TANK: variants seen among roughly 807,000 people sequenced by gnomAD.
TANK encodes TRAF family member associated NFKB activator.
Under a neutral mutation model 43.6 loss-of-function variants are expected in TANK, and 15 were observed. The ratio of observed to expected loss-of-function variants is 0.34; its 90% CI spans 0.23 to 0.53. TANK has a LOEUF of 0.53. Among genes scored for constraint, TANK ranks in the 20% least tolerant of loss-of-function variants. The pLI, the probability that TANK is intolerant of heterozygous loss-of-function variation, is 0.94. For synonymous variants in TANK, 162 were observed against 178.2 expected (o/e 0.91, Z 0.73); for missense variants, 417 against 498.6 (o/e 0.84, Z 1.56).
In TANK at chr2:161,137,362, T is replaced by TAATA. The variant is rs533122094; in HGVS notation, c.-50+309_-50+312dup. ...AACATAGTGAGACCCCATCTCTATT[T>TAATA]AATAAATAAATAAGTAAATAATGGG... On this transcript the variant is annotated intron_variant, in intron 1 of 7. Coordinates refer to the TANK transcript ENST00000259075. The TAATA allele has an allele frequency of 4.4e-4, 157 of 355,892 alleles. No individual in the cohort carries two copies. In the East Asian group the frequency reaches 4.5e-3, roughly 10 times the overall value. 22.0% of individuals were successfully genotyped at this position (355,892 alleles called of 1,614,324 possible).
At position 161,223,999 on chromosome 2, in the gene TANK, T is replaced by C; in HGVS notation, c.404+8T>C. ...TCCTTTGCTCCATGAAAGGTAGTTCTACATCCTTTTTTCTCAACTCTTAAA... is the reference window on the plus strand; with the variant it reads ...TCCTTTGCTCCATGAAAGGTAGTTCCACATCCTTTTTTCTCAACTCTTAAA... On this transcript the variant is annotated splice_region_variant and intron_variant, in intron 5 of 7. Transcript: ENST00000392749. 1.3e-6 allele frequency: 2 copies of C among 1,551,858 alleles called. No homozygotes were observed. Among genetic ancestry groups the C allele is most frequent in the African/African-American group, 1.4e-5 (1 of 73,260 alleles).
At chr2:161,211,394 G>C (rs746953014) in intron 4 of TANK, among the ~76,000 whole-genome samples, 4 of 152,180 alleles carry the variant, frequency 2.6e-5, no homozygotes, top group African/African-American at 9.6e-5. Context: ...ACTTTCTGTT[G>C]CAAGTCCCTT....
At chr2:161,150,777 G>T (rs1684056459) in intron 1 of TANK, among the ~76,000 whole-genome samples, 2 of 151,768 alleles carry the variant, frequency 1.3e-5, no homozygotes, top group African/African-American at 4.8e-5. Flanking sequence ...TTTTAGTAGA[G>T]CCAAGGTTTC....
At chr2:161,219,310 A>G (rs535480140) in intron 4 of TANK, among the ~76,000 whole-genome samples, 4 of 152,288 alleles carry the variant, frequency 2.6e-5, no homozygotes, top group East Asian at 1.9e-4. Context: ...AAGAACTTGG[A>G]AGTAATTAGG....
intron 1 of TANK, among the ~76,000 whole-genome samples, chr2:161,142,891 T>C (rs1036143187): frequency 6.6e-6 from 1 of 152,188 alleles, no homozygotes; most frequent in African/African-American, 2.4e-5. Context: ...GGAAATAGCA[T>C]TGAGTCTATA....
chr2:161,140,325 A>G (rs1234690101), intron 1 of TANK, among the ~76,000 whole-genome samples: 1 of 152,124 alleles, frequency 6.6e-6, no homozygotes, highest in Non-Finnish European at 1.5e-5. Flanking sequence ...TTTTTCATGC[A>G]GCTTAGTTTA....
intron 2 of TANK, among the ~76,000 whole-genome samples, chr2:161,190,764 G>A (rs1174554012): frequency 6.6e-6 from 1 of 152,122 alleles, no homozygotes; most frequent in Non-Finnish European, 1.5e-5. Context: ...GATAAAGACA[G>A]AAAGTAGAAG....
chr2:161,223,778 T>C, intron 4 of TANK, 137 bp from the exon 5 acceptor site: 1 of 499,068 alleles, frequency 2.0e-6, no homozygotes, highest in Non-Finnish European at 3.7e-6. Flanking sequence ...ATATTACATA[T>C]AGGTCTATAA....
Position 161,223,938 on chromosome 2 carries a change from T to C in TANK, c.351T>C (p.Ser117=). 1 of 1,601,926 alleles carries C rather than the reference T, an allele frequency of 6.2e-7. No individual in the cohort carries two copies. Among genetic ancestry groups the C allele is most frequent in the Admixed American group, 1.7e-5 (1 of 59,798 alleles). ...AGGTAAGAAGACAAGAGGTTTCTTC[T>C]CCTAGAAAAGAAACTTCAGCAAGGA... ...LPKVRRQEVS[S]PRKETSARSL... Residue 117 remains serine (S), a synonymous_variant, in exon 5 of 8, where the codon TCT becomes TCC. Coordinates refer to ENST00000392749, the MANE Select transcript of TANK (RefSeq NM_001199135.3).
chr2:161,157,878 T>G (rs1684266980), upstream of TANK, among the ~76,000 whole-genome samples: 1 of 152,156 alleles, frequency 6.6e-6, no homozygotes, highest in South Asian at 2.1e-4. Context: ...GAAACGGGTT[T>G]TCACCATGTT....
chr2:161,230,272 T>C (rs1687843705), intron 6 of TANK, among the ~76,000 whole-genome samples: 2 of 152,256 alleles, frequency 1.3e-5, no homozygotes, highest in Non-Finnish European at 2.9e-5. Flanking sequence ...GCTGAATTTG[T>C]TGGATAAGTG....
intron 1 of TANK, among the ~76,000 whole-genome samples, chr2:161,141,730 C>T (rs1683753312): frequency 1.3e-5 from 2 of 152,044 alleles, no homozygotes; most frequent in Non-Finnish European, 2.9e-5. Context: ...CTGTCTATCA[C>T]TGATGGGCAT....
intron 1 of TANK, among the ~76,000 whole-genome samples, chr2:161,176,298 A>T (rs1281649325): frequency 6.6e-6 from 1 of 152,198 alleles, no homozygotes; most frequent in Admixed American, 6.6e-5. Context: ...TGAGTCCCAG[A>T]GACTTTCCTT....
chr2:161,224,823 C>A, intron 6 of TANK, 77 bp downstream of exon 6: 2 of 894,034 alleles, frequency 2.2e-6, no homozygotes, highest in Non-Finnish European at 3.4e-6. Context: ...GAAAATATTC[C>A]TGAATGCCTA....
chr2:161,220,940 C>G (rs1181666026), intron 4 of TANK, among the ~76,000 whole-genome samples: 1 of 152,142 alleles, frequency 6.6e-6, no homozygotes, highest in East Asian at 1.9e-4. Context: ...TTAAATATCA[C>G]TGCATATTCA....
In TANK at chr2:161,194,161, G is replaced by A. The variant is rs10207444; in HGVS notation, c.100-9326G>A. On this transcript the variant is annotated intron_variant, in intron 2 of 7. Coordinates refer to ENST00000392749, the MANE Select transcript of TANK (RefSeq NM_001199135.3). ...ACATCTGAAACTGTTAAAACTGATAGCAATTTACAAGTCAGATTACCATAA... is the reference window on the plus strand; with the variant it reads ...ACATCTGAAACTGTTAAAACTGATAACAATTTACAAGTCAGATTACCATAA... 3.0e-3 allele frequency among the ~76,000 whole-genome samples: 461 copies of A among 152,084 alleles called. 2 individuals are homozygous for A. Among genetic ancestry groups the A allele is most frequent in the African/African-American group, 0.011 (445 of 41,500 alleles).
intron 1 of TANK, chr2:161,161,136 G>A (rs1004120063): frequency 7.4e-6 from 10 of 1,348,726 alleles, no homozygotes; most frequent in Middle Eastern, 5.1e-4. Flanking sequence ...AAACTGACTA[G>A]CAACGAGTTA....
At chr2:161,150,727 C>T (rs746477527) in intron 1 of TANK, among the ~76,000 whole-genome samples, 3 of 151,502 alleles carry the variant, frequency 2.0e-5, no homozygotes, top group Non-Finnish European at 4.4e-5. Flanking sequence ...GCCGGGATTA[C>T]AGGCACACGC....
intron 1 of TANK, among the ~76,000 whole-genome samples, chr2:161,174,188 G>C (rs541110516): frequency 3.9e-5 from 6 of 152,256 alleles, no homozygotes; most frequent in Non-Finnish European, 8.8e-5. Flanking sequence ...GTGATGTTCA[G>C]AGTTCAGTAA....
Sources: allele counts gnomAD v4.1 joint callset (sites outside exome capture counted in the v4.1 genomes callset), GRCh38; gene constraint gnomAD v4.1.1; transcripts MANE v1.5; gene names NCBI Gene and HGNC (gene_info 2026-07-23, HGNC 2026-07-21).